Variants in PDS5B observed in about 807,000 individuals in gnomAD.
PDS5B encodes the protein sister chromatid cohesion protein PDS5 homolog B.
PDS5B carries 51 observed loss-of-function variants against 184.1 expected under a neutral mutation model. The observed-to-expected ratio is 0.28, with a 90% CI of 0.22 to 0.35. The LOEUF (loss-of-function observed/expected upper bound fraction) is 0.35. PDS5B is among the 10% of genes least tolerant of loss of function. The pLI is 1.00. For synonymous variants in PDS5B, 566 were observed against 569.2 expected, an observed-to-expected ratio of 0.99 and a Z score of 0.08; for missense variants, 1,180 against 1,723.3, an observed-to-expected ratio of 0.68 and a Z score of 5.58.
Position 32,760,688 on chromosome 13 carries a change from A to T in PDS5B, c.3486A>T (p.Ser1162=). The T allele has an allele frequency of 1.9e-6, 3 of 1,613,782 alleles. No homozygotes were observed. Among genetic ancestry groups the T allele is most frequent in the Non-Finnish European group, 2.5e-6 (3 of 1,179,694 alleles). The change falls in exon 30 of 35, where the codon TCA becomes TCT. Residue 1162 remains serine, a synonymous_variant. Coordinates refer to ENST00000315596, the MANE Select transcript of PDS5B (RefSeq NM_015032.4). ...METVSNASSS[S]NPSSPGRIKG... ...CTGTAAGCAATGCAAGCAGCAGCTC[A>T]AATCCAAGCTCTCCTGGAAGAATAA...
intron 9 of PDS5B, among the ~76,000 whole-genome samples, chr13:32,677,220 A>T (rs1158083387): frequency 1.3e-5 from 2 of 152,024 alleles, no homozygotes; most frequent in African/African-American, 2.4e-5. Flanking sequence ...TTTAAATACA[A>T]TGGAAAGTTT....
chr13:32,770,244 C>T lies in PDS5B; in HGVS notation c.3748C>T (p.Arg1250Trp), dbSNP rs534821517. 1.4e-5 allele frequency: 22 copies of T among 1,613,508 alleles called. No homozygotes were observed. Among genetic ancestry groups the T allele is most frequent in the South Asian group, 1.1e-4 (10 of 91,000 alleles). ...EQKPKGSQRS[R>W]KRGHTASESD... ...GAAACCTAAAGGCAGTCAGCGAAGTCGGAAAAGAGGCCATACGGCTTCAGA... is the reference window on the plus strand; with the variant it reads ...GAAACCTAAAGGCAGTCAGCGAAGTTGGAAAAGAGGCCATACGGCTTCAGA... Residue 1250 changes from arginine to tryptophan, a missense_variant, in exon 32 of 35, where the codon CGG (arginine) becomes TGG (tryptophan). Transcript: ENST00000315596.
chr13:32,711,626 G>C (rs957052102), intron 19 of PDS5B, among the ~76,000 whole-genome samples: 3 of 152,152 alleles, frequency 2.0e-5, no homozygotes, highest in Admixed American at 2.0e-4. Flanking sequence ...CCAAAGTGCT[G>C]GGATTACAGG....
chr13:32,734,432 CAG>C (rs1470686763), intron 20 of PDS5B, among the ~76,000 whole-genome samples: 1 of 152,138 alleles, frequency 6.6e-6, no homozygotes, highest in East Asian at 1.9e-4. Context: ...GGTTTCCTAT[CAG>C]AATAACAAAA....
chr13:32,732,247 G>C, intron 20 of PDS5B, 23 bp downstream of exon 20: 2 of 1,545,624 alleles, frequency 1.3e-6, no homozygotes, highest in African/African-American at 1.4e-5. Context: ...AAATTTTCTT[G>C]TTTATTTCAT....
At chr13:32,590,326 A>G (rs979593352) in intron 1 of PDS5B, among the ~76,000 whole-genome samples, 1 of 152,202 alleles carries the variant, frequency 6.6e-6, no homozygotes, top group Non-Finnish European at 1.5e-5. Flanking sequence ...CAAAACTTCC[A>G]TATACATACA....
At chr13:32,636,490 A>T (rs191601150) in intron 1 of PDS5B, among the ~76,000 whole-genome samples, 1 of 152,226 alleles carries the variant, frequency 6.6e-6, no homozygotes, top group African/African-American at 2.4e-5. Context: ...TCAGCAGTGC[A>T]CCAGAGATGG....
intron 19 of PDS5B, among the ~76,000 whole-genome samples, chr13:32,728,941 A>T (rs1422359608): frequency 6.6e-6 from 1 of 152,142 alleles, no homozygotes; most frequent in South Asian, 2.1e-4. Context: ...TTTTTAAAAA[A>T]ATTAAACGTT....
chr13:32,699,648 A>G lies in PDS5B; in HGVS notation c.1601-82A>G. 7 of 750,282 alleles carry G rather than the reference A, an allele frequency of 9.3e-6. No homozygotes were observed. In the South Asian group the frequency reaches 2.2e-4, roughly 23 times the overall value. The allele number at this position is 750,282 out of a possible 1,614,324, so 46.5% of individuals were successfully genotyped here. A position where few individuals can be genotyped will look rare whatever the true frequency, so the allele number is the denominator to read the frequency against. On this transcript the variant is annotated intron_variant, in intron 15 of 34. Coordinates refer to ENST00000315596, the MANE Select transcript of PDS5B (RefSeq NM_015032.4). The stretch of plus-strand genomic sequence containing the variant: ...TTGTACGTAAGGATTTTAAGGCAAT[A>G]AAAGGAATGAAAAATATTGACCTAT...
Position 32,758,020 on chromosome 13 carries a change from A to G in PDS5B, c.3057-67A>G, listed in dbSNP as rs7335158. The G allele has an allele frequency of 3.1e-3, 1,766 of 578,288 alleles. 30 individuals carry two copies. In the African/African-American group the frequency reaches 0.036, roughly 12 times the overall value. The allele number at this position is 578,288 out of a possible 1,614,324, so 35.8% of individuals were successfully genotyped here. A position where few individuals can be genotyped will look rare whatever the true frequency, so the allele number is the denominator to read the frequency against. ...GTTTGTTATATTTATATTTAGAATT[A>G]TTGTATCTATATTTAACAAAGGATG... On this transcript the variant is annotated intron_variant, in intron 26 of 34. Coordinates refer to ENST00000315596, the MANE Select transcript of PDS5B (RefSeq NM_015032.4).
rs145932937 is a variant in PDS5B at position 32,602,493 on chromosome 13, A to G, written c.-20+15900A>G. Among the ~76,000 whole-genome samples the G allele has an allele frequency of 2.9e-3, 446 of 152,250 alleles. 2 individuals are homozygous for G. The highest frequency in any genetic ancestry group is 5.0e-3 in the Non-Finnish European group (341 of 68,018). ...GTGCCACATTTTCTTAATCCAGTCT[A>G]TCTTTGATGGACATTTGGGTTGGTT... On this transcript the variant is annotated intron_variant, in intron 1 of 34. Coordinates refer to ENST00000315596, the MANE Select transcript of PDS5B (RefSeq NM_015032.4).
At position 32,667,892 on chromosome 13, in the gene PDS5B, T is replaced by G. The variant is rs1382472713; in HGVS notation, c.705+48T>G. On this transcript the variant is annotated intron_variant, in intron 7 of 34. Transcript: ENST00000315596. ...TGTCAGAAGGATTAAACTGAAAATTTAAAGACTTGCTAGAAGCAAAATTTC... is the reference window on the plus strand; with the variant it reads ...TGTCAGAAGGATTAAACTGAAAATTGAAAGACTTGCTAGAAGCAAAATTTC... 5 of 1,185,944 alleles carry G rather than the reference T, an allele frequency of 4.2e-6. No individual in the cohort carries two copies. The East Asian group carries it at 1.3e-4, about 31-fold the overall frequency. 73.5% of individuals were successfully genotyped at this position (1,185,944 alleles called of 1,614,324 possible).
At chr13:32,631,729 A>C (rs967963733) in intron 1 of PDS5B, among the ~76,000 whole-genome samples, 5 of 152,228 alleles carry the variant, frequency 3.3e-5, no homozygotes, top group Non-Finnish European at 7.3e-5. Context: ...AGTATAGGCC[A>C]GGAATATGTA....
At chr13:32,706,245 T>C (rs1439604642) in intron 17 of PDS5B, among the ~76,000 whole-genome samples, 1 of 151,644 alleles carries the variant, frequency 6.6e-6, no homozygotes, top group Non-Finnish European at 1.5e-5. Flanking sequence ...GCCACTGCAC[T>C]CCAGCCTGGG....
intron 6 of PDS5B, among the ~76,000 whole-genome samples, chr13:32,664,479 C>G (rs576908612): frequency 9.9e-5 from 15 of 152,238 alleles, no homozygotes; most frequent in African/African-American, 3.6e-4. Flanking sequence ...AGAAGACTTA[C>G]ATATGTTGAG....
chr13:32,711,276 CA>C (rs1476167934), intron 19 of PDS5B, among the ~76,000 whole-genome samples: 53 of 152,170 alleles, frequency 3.5e-4, no homozygotes, highest in African/African-American at 1.1e-3. Flanking sequence ...AGACATGAGC[CA>C]GCGTGCCTGG....
intron 6 of PDS5B, among the ~76,000 whole-genome samples, chr13:32,659,960 T>C (rs1209206652): frequency 9.2e-5 from 14 of 152,162 alleles, no homozygotes; most frequent in Admixed American, 9.2e-4. Flanking sequence ...AATTCAAAAA[T>C]TCCAAACTCT....
intron 1 of PDS5B, among the ~76,000 whole-genome samples, chr13:32,641,665 C>T (rs1360446413): frequency 1.3e-5 from 2 of 152,262 alleles, no homozygotes; most frequent in East Asian, 3.9e-4. Context: ...CCCCTGTGGG[C>T]TCCCACCACC....
chr13:32,694,361 T>TTTACC, intron 14 of PDS5B, 57 bp downstream of exon 14: 2 of 1,011,058 alleles, frequency 2.0e-6, no homozygotes, highest in Non-Finnish European at 3.1e-6. Flanking sequence ...TTAATTACTA[T>TTTACC]TTACCATTGC....
Sources: gnomAD v4.1 joint callset for allele counts (sites outside exome capture counted in the v4.1 genomes callset) on GRCh38, gnomAD v4.1.1 for gene constraint, MANE v1.5 for transcripts, NCBI Gene and HGNC (gene_info 2026-07-23, HGNC 2026-07-21) for gene names.